The following ADK variants were observed in gnomAD, a reference collection of about 807,000 sequenced individuals.
The protein encoded by ADK is adenosine kinase, also known as N6,N6-dimethyladenosine kinase.
A neutral mutation model predicts 44.7 loss-of-function variants in ADK; 24 were observed. The ratio of observed to expected loss-of-function variants is 0.54; its 90% CI spans 0.39 to 0.76. The LOEUF (loss-of-function observed/expected upper bound fraction) is 0.76. Ranked by LOEUF, ADK falls within the 30% of genes least tolerant of loss-of-function variation. ADK has a pLI of 0.00. For synonymous variants in ADK, 128 were observed against 142.6 expected, an observed-to-expected ratio of 0.90 and a Z score of 0.73; for missense variants, 321 against 425.1, an observed-to-expected ratio of 0.76 and a Z score of 2.15.
At chr10:74,265,015 G>T (rs1339943073) in intron 3 of ADK, among the ~76,000 whole-genome samples, 1 of 151,854 alleles carries the variant, frequency 6.6e-6, no homozygotes, top group Non-Finnish European at 1.5e-5. Context: ...GTCTTGCTTT[G>T]TTGGGTAGAC....
chr10:74,481,302 A>G (rs1350230752), intron 6 of ADK, among the ~76,000 whole-genome samples: 1 of 152,100 alleles, frequency 6.6e-6, no homozygotes, highest in African/African-American at 2.4e-5. Context: ...TTGTTACTCT[A>G]ATTTAGGAAT....
At chr10:74,586,254 A>G (rs1851521782) in intron 7 of ADK, among the ~76,000 whole-genome samples, 1 of 152,204 alleles carries the variant, frequency 6.6e-6, no homozygotes, top group African/African-American at 2.4e-5. Flanking sequence ...CCAAGATCAG[A>G]GGAAGGTGGG....
In ADK at chr10:74,652,606, A is replaced by G. The variant is rs554346383; in HGVS notation, c.878-17577A>G. Among the ~76,000 whole-genome samples the G allele has an allele frequency of 4.0e-5, 6 of 151,622 alleles. No individual in the cohort carries two copies. In the East Asian group the frequency reaches 1.2e-3, roughly 30 times the overall value. On this transcript the variant is annotated intron_variant, in intron 9 of 10. Coordinates refer to ENST00000539909, the MANE Select transcript of ADK (RefSeq NM_006721.4). ...TGAAACTCCGTCTCTGCTCAAAATCAAAAATTAGCCGGCTGTAGTGGTGGG... is the reference window on the plus strand; with the variant it reads ...TGAAACTCCGTCTCTGCTCAAAATCGAAAATTAGCCGGCTGTAGTGGTGGG...
At chr10:74,465,054 G>C (rs942449006) in intron 6 of ADK, among the ~76,000 whole-genome samples, 1 of 152,052 alleles carries the variant, frequency 6.6e-6, no homozygotes, top group Non-Finnish European at 1.5e-5. Flanking sequence ...AAAATATCTA[G>C]TATATTAGAT....
chr10:74,490,301 A>C (rs1847429608), intron 6 of ADK, among the ~76,000 whole-genome samples: 1 of 152,094 alleles, frequency 6.6e-6, no homozygotes, highest in African/African-American at 2.4e-5. Flanking sequence ...CTATATACTA[A>C]CTTTGAATAG....
chr10:74,350,768 A>G (rs1174770334), intron 4 of ADK, among the ~76,000 whole-genome samples: 3 of 152,134 alleles, frequency 2.0e-5, no homozygotes, highest in Admixed American at 1.3e-4. Context: ...CAAACTACCA[A>G]CAGAGAATAC....
At chr10:74,330,189 A>T (rs180692730) in intron 4 of ADK, among the ~76,000 whole-genome samples, 2 of 152,228 alleles carry the variant, frequency 1.3e-5, no homozygotes, top group East Asian at 1.9e-4. Flanking sequence ...ATAATTTTTT[A>T]AATATTTATT....
At chr10:74,397,303 G>GTT (rs557295872) in intron 5 of ADK, among the ~76,000 whole-genome samples, 3 of 145,344 alleles carry the variant, frequency 2.1e-5, no homozygotes, top group African/African-American at 7.5e-5. Flanking sequence ...GAGAATTGAG[G>GTT]TTTTTTTTTT....
chr10:74,701,738 A>C (rs891872335), intron 10 of ADK, among the ~76,000 whole-genome samples: 1 of 152,182 alleles, frequency 6.6e-6, no homozygotes, highest in Admixed American at 6.5e-5. Flanking sequence ...TTAGGTTGGG[A>C]GTCTGAGACC....
At chr10:74,693,744 G>C (rs1856071998) in intron 10 of ADK, among the ~76,000 whole-genome samples, 1 of 152,182 alleles carries the variant, frequency 6.6e-6, no homozygotes, top group African/African-American at 2.4e-5. Context: ...AAAATTGCCT[G>C]TGTTTCCCTA....
chr10:74,406,140 A>G (rs781489312), intron 6 of ADK, among the ~76,000 whole-genome samples: 1 of 152,118 alleles, frequency 6.6e-6, no homozygotes, highest in Non-Finnish European at 1.5e-5. Context: ...TCTCTCAGAG[A>G]TACGTATTTT....
chr10:74,573,195 TTC>T (rs1851037130), intron 7 of ADK, among the ~76,000 whole-genome samples: 1 of 152,086 alleles, frequency 6.6e-6, no homozygotes, highest in Non-Finnish European at 1.5e-5. Context: ...TGGATGTCCT[TTC>T]TGTTTGTTAG....
chr10:74,294,496 AG>A (rs1215867478), intron 3 of ADK, among the ~76,000 whole-genome samples: 1 of 152,184 alleles, frequency 6.6e-6, no homozygotes. Flanking sequence ...CGTGTTGGCC[AG>A]GCTAGTCTTG....
intron 2 of ADK, among the ~76,000 whole-genome samples, chr10:74,216,617 T>C (rs896228494): frequency 2.1e-4 from 32 of 151,516 alleles, no homozygotes; most frequent in African/African-American, 7.3e-4. Context: ...CCCAGCTATT[T>C]TGGGGACTGA....
chr10:74,597,703 C>T (rs1394804539), intron 8 of ADK, among the ~76,000 whole-genome samples: 10 of 152,136 alleles, frequency 6.6e-5, no homozygotes, highest in Non-Finnish European at 1.5e-5. Context: ...CAGGGAGGTA[C>T]ACAGTGTCAC....
chr10:74,480,940 G>T (rs981988381), intron 6 of ADK, among the ~76,000 whole-genome samples: 3 of 151,892 alleles, frequency 2.0e-5, no homozygotes, highest in Non-Finnish European at 4.4e-5. Flanking sequence ...GTTTATGTTG[G>T]ATCTTCTTTT....
chr10:74,206,722 T>C (rs1239927467), intron 2 of ADK, among the ~76,000 whole-genome samples: 1 of 152,214 alleles, frequency 6.6e-6, no homozygotes, highest in East Asian at 1.9e-4. Context: ...TAATACTATG[T>C]GTAGTCTTTG....
chr10:74,279,242 T>C lies in ADK; in HGVS notation c.195-35425T>C, dbSNP rs141438034. On this transcript the variant is annotated intron_variant, in intron 3 of 10. Coordinates refer to ENST00000539909, the MANE Select transcript of ADK (RefSeq NM_006721.4). ...TTGCAGTGATCCGAGATTGCGCCAC[T>C]GCATTCCAGCATGGGTGACAGAGCG... Among the ~76,000 whole-genome samples the C allele has an allele frequency of 2.5e-3, 383 of 152,058 alleles. 2 individuals carry two copies. The highest frequency in any genetic ancestry group is 8.8e-3 in the African/African-American group (365 of 41,468).
intron 7 of ADK, among the ~76,000 whole-genome samples, chr10:74,562,251 C>T (rs1589250222): frequency 6.6e-6 from 1 of 152,054 alleles, no homozygotes; most frequent in Non-Finnish European, 1.5e-5. Context: ...ATAGTAGATG[C>T]TTAATAAATG....
Sources: gnomAD v4.1 joint callset for allele counts (sites outside exome capture counted in the v4.1 genomes callset) on GRCh38, gnomAD v4.1.1 for gene constraint, MANE v1.5 for transcripts, NCBI Gene and HGNC (gene_info 2026-07-23, HGNC 2026-07-21) for gene names.